Variants in AMOTL1 observed in about 807,000 individuals in gnomAD.
AMOTL1 encodes angiomotin like 1.
AMOTL1 carries 45 observed loss-of-function variants against 102.9 expected under a neutral mutation model. The observed-to-expected ratio is 0.44, with a 90% CI of 0.34 to 0.56. AMOTL1 has a LOEUF of 0.56. Among genes scored for constraint, AMOTL1 ranks in the 20% least tolerant of loss-of-function variants. AMOTL1 has a pLI of 0.01. For missense variants in AMOTL1, 1,114 were observed against 1,225.6 expected, an observed-to-expected ratio of 0.91 and a Z score of 1.36; for synonymous variants, 481 against 484.7, an observed-to-expected ratio of 0.99 and a Z score of 0.10.
rs375500926 is a variant in AMOTL1 at position 94,737,594 on chromosome 11, G to A, written c.86-3344G>A. Reference sequence around the variant, plus strand: ...TAAGTTACTAGCTAGTATTGGAACAGGTATTAGAACCCAGGTCTGGCTGAT... The same window carrying A: ...TAAGTTACTAGCTAGTATTGGAACAAGTATTAGAACCCAGGTCTGGCTGAT... On this transcript the variant is annotated intron_variant, in intron 2 of 4. Transcript: ENST00000299004. Among the ~76,000 whole-genome samples the A allele has an allele frequency of 4.6e-5, 7 of 152,360 alleles. No individual in the cohort carries two copies. In the East Asian group the frequency reaches 1.2e-3, roughly 25 times the overall value.
rs574463636 is a variant in AMOTL1, at chr11:94,840,717, T to C, written c.1648+9176T>C. 5.0e-4 allele frequency among the ~76,000 whole-genome samples: 73 copies of C among 146,830 alleles called. No homozygotes were observed. In the South Asian group the frequency reaches 0.012, roughly 24 times the overall value. ...ACACACACACACACACATATATATA[T>C]ACATATATATGTACACACACATATA... On this transcript the variant is annotated intron_variant, in intron 6 of 12. Transcript: ENST00000433060.
At chr11:94,765,344 A>G (rs1430768892), upstream of AMOTL1, among the ~76,000 whole-genome samples, 2 of 152,242 alleles carry the variant, frequency 1.3e-5, no homozygotes, top group Non-Finnish European at 1.5e-5. Flanking sequence ...ACCAGACATC[A>G]GAATCTCCAG....
intron 1 of AMOTL1, among the ~76,000 whole-genome samples, chr11:94,724,300 C>T: frequency 6.6e-6 from 1 of 152,136 alleles, no homozygotes; most frequent in East Asian, 1.9e-4. Flanking sequence ...AAGCACAGAA[C>T]AAGGGGCAGG....
At chr11:94,835,592 G>A (rs1187186394) in intron 6 of AMOTL1, among the ~76,000 whole-genome samples, 1 of 152,200 alleles carries the variant, frequency 6.6e-6, no homozygotes, top group Non-Finnish European at 1.5e-5. Flanking sequence ...TAGTTATGTT[G>A]GAGCTTTGTT....
At chr11:94,812,730 T>TG (rs1218840996) in intron 3 of AMOTL1, among the ~76,000 whole-genome samples, 1 of 152,120 alleles carries the variant, frequency 6.6e-6, no homozygotes, top group South Asian at 2.1e-4. Context: ...TTAGTGATTT[T>TG]GGGGTCCCAA....
intron 3 of AMOTL1, among the ~76,000 whole-genome samples, chr11:94,744,393 G>A (rs1950565126): frequency 6.6e-6 from 1 of 152,200 alleles, no homozygotes; most frequent in South Asian, 2.1e-4. Context: ...GAGTTGGGGT[G>A]CACCACCCTC....
rs114259150 is a variant in AMOTL1, at chr11:94,845,788, G to A, written c.1649-4326G>A. Among the ~76,000 whole-genome samples, 941 of 152,302 alleles carry A rather than the reference G, an allele frequency of 6.2e-3. 11 individuals are homozygous for A. The highest frequency in any genetic ancestry group is 0.021 in the African/African-American group (884 of 41,556). ...TGAGCAGACATCCTTCTATGTAAAT[G>A]GGACCAGAGCCATCAAGCTAAACAG... On this transcript the variant is annotated intron_variant, in intron 6 of 12. Coordinates refer to ENST00000433060, the MANE Select transcript of AMOTL1 (RefSeq NM_130847.3).
At chr11:94,790,805 T>C (rs752674320) in intron 1 of AMOTL1, among the ~76,000 whole-genome samples, 10 of 152,188 alleles carry the variant, frequency 6.6e-5, no homozygotes, top group Non-Finnish European at 1.3e-4. Flanking sequence ...ATGGAGACTT[T>C]GAGCCTGTTG....
chr11:94,789,105 C>T (rs893503694), intron 1 of AMOTL1, among the ~76,000 whole-genome samples: 1 of 152,114 alleles, frequency 6.6e-6, no homozygotes, highest in Non-Finnish European at 1.5e-5. Context: ...AAAGCATATT[C>T]CAGGGAGTGC....
chr11:94,833,031 C>T (rs1334824911), intron 6 of AMOTL1, among the ~76,000 whole-genome samples: 1 of 152,210 alleles, frequency 6.6e-6, no homozygotes, highest in Non-Finnish European at 1.5e-5. Context: ...AGACTTTAAC[C>T]TTCTGGCTCA....
rs371447707 is a variant in AMOTL1 at position 94,876,557 on chromosome 11, C to A, written c.*5762C>A. 1 of 152,792 alleles carries A rather than the reference C, an allele frequency of 6.5e-6. No individual in the cohort carries two copies. The highest frequency in any genetic ancestry group is 2.1e-4 in the South Asian group (1 of 4,830). The allele number at this position is 152,792 out of a possible 1,614,324, so 9.5% of individuals were successfully genotyped here. ...AGTGTGGGGATTCCAAGAACACTGC[C>A]TGTCCCCCACAGCAAATATTGATGC... On this transcript the variant is annotated 3_prime_UTR_variant, in exon 13 of 13. Coordinates refer to ENST00000433060, the MANE Select transcript of AMOTL1 (RefSeq NM_130847.3).
chr11:94,782,497 A>T (rs988808713), intron 1 of AMOTL1, among the ~76,000 whole-genome samples: 5 of 152,228 alleles, frequency 3.3e-5, no homozygotes, highest in African/African-American at 1.2e-4. Context: ...TGTTTTCCAG[A>T]TGACCACATA....
At chr11:94,759,041 GA>G (rs1950760990) in intron 3 of AMOTL1, among the ~76,000 whole-genome samples, 1 of 151,966 alleles carries the variant, frequency 6.6e-6, no homozygotes, top group Non-Finnish European at 1.5e-5. Flanking sequence ...GTTTTTTTCT[GA>G]AGATCATATC....
intron 1 of AMOTL1, among the ~76,000 whole-genome samples, chr11:94,708,729 A>C (rs1480230154): frequency 6.6e-6 from 1 of 152,180 alleles, no homozygotes; most frequent in African/African-American, 2.4e-5. Flanking sequence ...TGGCAAAGAA[A>C]TACATGCGAA....
chr11:94,721,282 T>G (rs1246420190), intron 1 of AMOTL1, among the ~76,000 whole-genome samples: 2 of 152,146 alleles, frequency 1.3e-5, no homozygotes, highest in African/African-American at 4.8e-5. Flanking sequence ...AATCTAACAT[T>G]TTCAATAATA....
chr11:94,756,589 A>T (rs1950728212), intron 3 of AMOTL1, among the ~76,000 whole-genome samples: 1 of 152,220 alleles, frequency 6.6e-6, no homozygotes, highest in Non-Finnish European at 1.5e-5. Context: ...TGGGTGACCA[A>T]CTACTGTTTG....
rs762654442 is a variant in AMOTL1 at position 94,799,707 on chromosome 11, G to T, written c.517G>T (p.Glu173Ter). Residue 173 changes from glutamate (E) to a stop codon, truncating the protein, a stop_gained, in exon 3 of 13, where the codon GAG becomes TAG. Transcript: ENST00000433060. LOFTEE classifies it high-confidence loss of function. The surrounding 1 kb of genome is among the most constrained non-coding windows in gnomAD (Gnocchi z 4.5). ...ACACCAGGTGGACAATACGGTGATG[G>T]AGAAACAGGTCCGGTCCACGCAGCC... ...QEHQVDNTVM[E>*]KQVRSTQPQQ... is the part of the protein sequence containing the mutation. The T allele has an allele frequency of 6.2e-7, 1 of 1,613,856 alleles. No homozygotes were observed.
intron 3 of AMOTL1, among the ~76,000 whole-genome samples, chr11:94,805,879 A>G (rs3893908): frequency 0.34 from 51,213 of 152,056 alleles, 9,850 homozygotes; most frequent in African/African-American, 0.49. Context: ...TCCTGTCGTA[A>G]AGCAGACTTC....
rs1951442786 is a variant in AMOTL1, at chr11:94,799,973, C to T, written c.783C>T (p.Leu261=). The T allele has an allele frequency of 1.2e-6, 2 of 1,614,048 alleles. No homozygotes were observed. Among genetic ancestry groups the T allele is most frequent in the African/African-American group, 1.3e-5 (1 of 75,068 alleles). ...KELKQGHVRS[L]SERIMQLSLE... Reference sequence around the variant, plus strand: ...TGAAGCAGGGCCACGTCCGCTCGCTCAGCGAGAGAATCATGCAGCTGTCCC... The same window carrying T: ...TGAAGCAGGGCCACGTCCGCTCGCTTAGCGAGAGAATCATGCAGCTGTCCC... The change falls in exon 3 of 13, where the codon CTC becomes CTT. Residue 261 remains leucine (L), a synonymous_variant. Transcript: ENST00000433060. The surrounding 1 kb of genome is among the most constrained non-coding windows in gnomAD (Gnocchi z 4.5).
Sources: gnomAD v4.1 joint callset for allele counts (sites outside exome capture counted in the v4.1 genomes callset) on GRCh38, gnomAD v4.1.1 for gene constraint, Gnocchi (gnomAD v3.1) non-coding constraint, MANE v1.5 for transcripts, NCBI Gene and HGNC (gene_info 2026-07-23, HGNC 2026-07-21) for gene names.